The following ALG13 variants were observed in gnomAD, a reference collection of about 807,000 sequenced individuals.
The protein encoded by ALG13 is UDP-N-acetylglucosamine transferase subunit ALG13.
ALG13 carries 11 observed loss-of-function variants against 87.8 expected under a neutral mutation model. The observed-to-expected ratio is 0.13, with a 90% CI of 0.08 to 0.21. The LOEUF (loss-of-function observed/expected upper bound fraction) is 0.21, where lower values mean the gene tolerates loss of function less well. ALG13 is among the 10% of genes least tolerant of loss of function. ALG13 has a pLI of 1.00. For missense variants in ALG13, 756 were observed against 866.1 expected, an observed-to-expected ratio of 0.87 and a Z score of 1.60; for synonymous variants, 320 against 306.3, an observed-to-expected ratio of 1.04 and a Z score of -0.47.
At chrX:111,688,755 T>C in intron 3 of ALG13, 1 of 741,134 alleles carries the variant, frequency 1.3e-6, no homozygotes. Context: ...GCTTATAAAA[T>C]TAGTTTTATG....
intron 16 of ALG13, 94 bp downstream of exon 16, chrX:111,727,149 C>G (rs1942155188): frequency 1.9e-6 from 2 of 1,046,251 alleles, no homozygotes; most frequent in Non-Finnish European, 2.6e-6. Context: ...AGATGAGGGT[C>G]TCTGTGACAT....
rs372841179 is a variant in ALG13, at chrX:111,759,964, C to T, written c.3379C>T (p.Pro1127Ser). Reference sequence around the variant, plus strand: ...GCCAATTGGCTGTATTGCTCCATCTCCCCCAGCTTCTCATTATGTACCTCA... The same window carrying T: ...GCCAATTGGCTGTATTGCTCCATCTTCCCCAGCTTCTCATTATGTACCTCA... ...PGPIGCIAPS[P>S]PASHYVPQGM The change falls in exon 27 of 27, where the codon CCC becomes TCC. Residue 1127 changes from proline to serine, a missense_variant. Physicochemically the swap from Pro to Ser is moderately conservative, Grantham distance 74. This residue lies in a region of ALG13 where 110 missense variants were observed against 104.9 expected (regional missense o/e 1.05). Transcript: ENST00000394780. 9.6e-5 allele frequency: 116 copies of T among 1,208,832 alleles called. 4 individuals carry two copies. Among genetic ancestry groups the T allele is most frequent in the African/African-American group, 8.8e-4 (50 of 57,054 alleles).
At chrX:111,748,201 G>A (rs1218441374) in intron 24 of ALG13, among the ~76,000 whole-genome samples, 1 of 112,125 alleles carries the variant, frequency 8.9e-6, no homozygotes, top group Non-Finnish European at 1.9e-5. Flanking sequence ...CATTATATCA[G>A]GTATGTCTTT....
intron 24 of ALG13, among the ~76,000 whole-genome samples, chrX:111,746,977 C>T (rs115178974): frequency 0.023 from 2,553 of 111,422 alleles, 63 homozygotes; most frequent in African/African-American, 0.079. Context: ...TCCACCGGCC[C>T]CCACATGTCC....
intron 24 of ALG13, among the ~76,000 whole-genome samples, chrX:111,747,207 GA>G (rs1158671542): frequency 2.7e-5 from 3 of 111,735 alleles, no homozygotes; most frequent in Non-Finnish European, 5.6e-5. Flanking sequence ...TTCTACCCCA[GA>G]AATCTGTGCT....
chrX:111,742,197 A>G (rs754472889), intron 23 of ALG13, among the ~76,000 whole-genome samples: 1 of 111,436 alleles, frequency 9.0e-6, no homozygotes, highest in Admixed American at 9.5e-5. Context: ...TGTCAATCCT[A>G]TAGATGAAAC....
chrX:111,692,741 G>A (rs1049819606), intron 3 of ALG13, among the ~76,000 whole-genome samples: 1 of 111,992 alleles, frequency 8.9e-6, no homozygotes, highest in Non-Finnish European at 1.9e-5. Flanking sequence ...TATATGAAAA[G>A]CACTATAGTG....
chrX:111,718,978 G>C (rs1490523984), intron 10 of ALG13, among the ~76,000 whole-genome samples: 1 of 105,420 alleles, frequency 9.5e-6, no homozygotes, highest in Non-Finnish European at 2.0e-5. Flanking sequence ...TGTGTTTTTT[G>C]TCTTGCAGTT....
chrX:111,722,389 A>G (rs1941487813), intron 12 of ALG13, among the ~76,000 whole-genome samples: 1 of 111,628 alleles, frequency 9.0e-6, no homozygotes, highest in African/African-American at 3.3e-5. Flanking sequence ...TTCACATTCA[A>G]CTCCTTGAAC....
Position 111,760,083 on chromosome X carries a change from G to A in ALG13, c.*84G>A. The A allele has an allele frequency of 2.2e-6, 2 of 916,241 alleles. No homozygotes were observed. Among genetic ancestry groups the A allele is most frequent in the Non-Finnish European group, 3.0e-6 (2 of 670,033 alleles). The allele number at this position is 916,241 out of a possible 1,213,427, so 75.5% of individuals were successfully genotyped here. A position where few individuals can be genotyped will look rare whatever the true frequency, so the allele number is the denominator to read the frequency against. ...AAGTATTTTATGTTAGTGGTTAAAT[G>A]ATTTAGGTGATTAGTGTTTACTATT... On this transcript the variant is annotated 3_prime_UTR_variant, in exon 27 of 27. Transcript: ENST00000394780.
At chrX:111,732,932 A>G (rs927485386) in intron 21 of ALG13, among the ~76,000 whole-genome samples, 9 of 111,311 alleles carry the variant, frequency 8.1e-5, no homozygotes, top group African/African-American at 2.6e-4. Flanking sequence ...TGACAAGAAT[A>G]CTTTTTTTCT....
chrX:111,722,309 C>G (rs1446723766), intron 12 of ALG13, among the ~76,000 whole-genome samples: 3 of 111,490 alleles, frequency 2.7e-5, no homozygotes, highest in Admixed American at 9.6e-5. Context: ...CATTGTTTCT[C>G]TCCTTATAAG....
In ALG13 at chrX:111,708,198, T is replaced by C. The variant is rs748321438; in HGVS notation, c.555T>C (p.Leu185=). ...VTATHPTCTL[L]FPSCHAFFPL... ...CTACCCATCCTACCTGCACCCTGCT[T>C]TTTCCCTCTTGCCACGCTTTTTTTC... The change falls in exon 4 of 27, where the codon CTT becomes CTC. Residue 185 remains leucine, a synonymous_variant. Transcript: ENST00000394780. The C allele has an allele frequency of 8.3e-7, 1 of 1,211,421 alleles. No individual in the cohort carries two copies. The highest frequency in any genetic ancestry group is 1.1e-6 in the Non-Finnish European group (1 of 895,332).
At chrX:111,735,589 C>T (rs986349227) in intron 22 of ALG13, among the ~76,000 whole-genome samples, 4 of 111,161 alleles carry the variant, frequency 3.6e-5, no homozygotes, top group African/African-American at 1.3e-4. Context: ...AGAGAAGGAC[C>T]ATCCAAGAGG....
chrX:111,749,424 A>T (rs1400426316), intron 24 of ALG13, among the ~76,000 whole-genome samples: 2 of 109,750 alleles, frequency 1.8e-5, no homozygotes, highest in Non-Finnish European at 3.8e-5. Context: ...TCCTTACATC[A>T]GTACTATACT....
intron 3 of ALG13, among the ~76,000 whole-genome samples, chrX:111,694,051 ATT>A (rs201210464): frequency 9.5e-6 from 1 of 105,312 alleles, no homozygotes. Context: ...TTATTTATTT[ATT>A]TTTTTTTTGA....
chrX:111,738,148 G>A (rs1478937384), intron 23 of ALG13, among the ~76,000 whole-genome samples: 4 of 112,053 alleles, frequency 3.6e-5, no homozygotes, highest in African/African-American at 1.3e-4. Context: ...AAACATTAAA[G>A]AATAACATAA....
intron 23 of ALG13, among the ~76,000 whole-genome samples, chrX:111,743,193 C>G (rs1943914760): frequency 9.0e-6 from 1 of 111,206 alleles, no homozygotes; most frequent in South Asian, 3.8e-4. Context: ...TTGCCTTTCT[C>G]CATTTGCTTT....
intron 24 of ALG13, among the ~76,000 whole-genome samples, chrX:111,749,222 A>C (rs1944502562): frequency 8.9e-6 from 1 of 111,764 alleles, no homozygotes; most frequent in South Asian, 3.7e-4. Flanking sequence ...ATTCATCTCA[A>C]ATTCATTTTT....
Sources: gnomAD v4.1 joint callset for allele counts (sites outside exome capture counted in the v4.1 genomes callset) on GRCh38, gnomAD v4.1.1 for gene constraint, gnomAD v4.1.1 regional missense constraint, MANE v1.5 for transcripts, NCBI Gene and HGNC (gene_info 2026-07-23, HGNC 2026-07-21) for gene names.